TLN2: variants seen among roughly 807,000 people sequenced by gnomAD.
The protein encoded by TLN2 is talin-2.
TLN2 carries 118 observed loss-of-function variants against 294.7 expected under a neutral mutation model. The observed-to-expected ratio is 0.40, with a 90% CI of 0.34 to 0.47. The LOEUF is 0.47. TLN2 is among the 20% of genes least tolerant of loss of function. The probability of loss-of-function intolerance (pLI) is 0.84; values close to 1 mark genes in which losing one functional copy is unlikely to be tolerated. For missense variants in TLN2, 3,083 were observed against 3,282.2 expected, an observed-to-expected ratio of 0.94 and a Z score of 1.48; for synonymous variants, 1,431 against 1,304.5, an observed-to-expected ratio of 1.10 and a Z score of -2.09.
At chr15:62,778,048 TAAG>T (rs1339659298) in intron 43 of TLN2, among the ~76,000 whole-genome samples, 1 of 152,236 alleles carries the variant, frequency 6.6e-6, no homozygotes, top group Non-Finnish European at 1.5e-5. Flanking sequence ...TTCAGGATAA[TAAG>T]CAGTCTTTAA....
intron 9 of TLN2, among the ~76,000 whole-genome samples, chr15:62,661,667 G>A (rs534145833): frequency 6.6e-6 from 1 of 152,164 alleles, no homozygotes; most frequent in Non-Finnish European, 1.5e-5. Flanking sequence ...TTGAATGGAA[G>A]TTTTTTGTAA....
intron 21 of TLN2, among the ~76,000 whole-genome samples, chr15:62,710,720 CTTTTTTT>C (rs71287048): frequency 2.9e-4 from 22 of 77,076 alleles, no homozygotes; most frequent in Admixed American, 7.7e-4. Context: ...TGCTGATGTC[CTTTTTTT>C]TTTTTTTTTT....
chr15:62,489,119 C>T (rs576362619), intron 1 of TLN2, among the ~76,000 whole-genome samples: 1 of 152,218 alleles, frequency 6.6e-6, no homozygotes, highest in Admixed American at 6.5e-5. Flanking sequence ...TGAGATTGTG[C>T]CGCTGCACTC....
chr15:62,689,448 C>G (rs2057586051), intron 12 of TLN2, among the ~76,000 whole-genome samples: 1 of 152,180 alleles, frequency 6.6e-6, no homozygotes, highest in African/African-American at 2.4e-5. Context: ...GTCTATTACA[C>G]TTCCCTTTAT....
intron 1 of TLN2, among the ~76,000 whole-genome samples, chr15:62,409,147 G>A (rs1000044195): frequency 6.7e-6 from 1 of 148,328 alleles, no homozygotes; most frequent in Non-Finnish European, 1.5e-5. Flanking sequence ...TGACTGTTGG[G>A]GATTTTTTTT....
Position 62,712,089 on chromosome 15 carries a change from G to C in TLN2, c.2634+12G>C. 1 of 1,611,478 alleles carries C rather than the reference G, an allele frequency of 6.2e-7. No homozygotes were observed. The highest frequency in any genetic ancestry group is 8.5e-7 in the Non-Finnish European group (1 of 1,178,158). On this transcript the variant is annotated intron_variant, in intron 22 of 58. Transcript: ENST00000636159. Reference sequence around the variant, plus strand: ...TGGAAGCTGCAAAGGTATTCTACTGGATTTGTTTGTATGAAAAGTGAACAC... The same window carrying C: ...TGGAAGCTGCAAAGGTATTCTACTGCATTTGTTTGTATGAAAAGTGAACAC...
intron 25 of TLN2, 54 bp downstream of exon 25, chr15:62,719,934 G>T: frequency 7.2e-7 from 1 of 1,391,658 alleles, no homozygotes; most frequent in African/African-American, 1.4e-5. Flanking sequence ...CTGGGCAGGG[G>T]CTGCCCTTTA....
At position 62,782,778 on chromosome 15, in the gene TLN2, G is replaced by C. The variant is rs549037151; in HGVS notation, c.5617-993G>C. 3.9e-5 allele frequency among the ~76,000 whole-genome samples: 6 copies of C among 152,340 alleles called. No individual in the cohort carries two copies. In the East Asian group the frequency reaches 1.2e-3, roughly 29 times the overall value. ...TGCCTTAGAAAGGGTGGACATTCCT[G>C]TCCTGCCTTGATGGATGGAGAGTCA... is the stretch of plus-strand genomic sequence containing the variant. On this transcript the variant is annotated intron_variant, in intron 44 of 58. Transcript: ENST00000636159.
At chr15:62,647,953 C>T (rs916835501) in intron 4 of TLN2, among the ~76,000 whole-genome samples, 3 of 152,118 alleles carry the variant, frequency 2.0e-5, no homozygotes, top group African/African-American at 4.8e-5. Flanking sequence ...AATCACTCAT[C>T]CCCGTTAATC....
intron 1 of TLN2, among the ~76,000 whole-genome samples, chr15:62,475,352 C>T (rs2037730480): frequency 6.6e-6 from 1 of 152,110 alleles, no homozygotes; most frequent in Non-Finnish European, 1.5e-5. Context: ...TATCACGCTC[C>T]TCGTTTTATA....
intron 8 of TLN2, 142 bp downstream of exon 8, chr15:62,656,228 G>A (rs536082050): frequency 2.1e-5 from 22 of 1,057,070 alleles, no homozygotes; most frequent in African/African-American, 3.2e-5. Context: ...GTGGGTCCCC[G>A]CATGTGTTTG....
intron 1 of TLN2, among the ~76,000 whole-genome samples, chr15:62,501,676 T>A (rs1259953569): frequency 6.6e-6 from 1 of 152,238 alleles, no homozygotes; most frequent in Non-Finnish European, 1.5e-5. Context: ...CCATCCACAC[T>A]GATGTGACAG....
At chr15:62,717,539 A>G (rs917111514) in intron 23 of TLN2, 37 bp from the exon 24 acceptor site, 1 of 1,416,488 alleles carries the variant, frequency 7.1e-7, no homozygotes. Context: ...TGTATATTGC[A>G]TATGCAGATC....
intron 37 of TLN2, among the ~76,000 whole-genome samples, chr15:62,759,667 C>T (rs2062538962): frequency 6.6e-6 from 1 of 152,182 alleles, no homozygotes; most frequent in South Asian, 2.1e-4. Flanking sequence ...GCAGGAAGGG[C>T]GAGCAGCACC....
At chr15:62,465,279 C>T (rs190293997) in intron 1 of TLN2, among the ~76,000 whole-genome samples, 99 of 152,136 alleles carry the variant, frequency 6.5e-4, no homozygotes, top group African/African-American at 2.1e-3. Context: ...GTTGGCCTAG[C>T]CCCCCTATCC....
intron 1 of TLN2, among the ~76,000 whole-genome samples, chr15:62,492,817 C>G (rs1011453668): frequency 6.6e-6 from 1 of 152,136 alleles, no homozygotes; most frequent in Admixed American, 6.5e-5. Flanking sequence ...TCTACCATAA[C>G]AGATTCCACA....
intron 3 of TLN2, among the ~76,000 whole-genome samples, chr15:62,630,050 C>A (rs1187494962): frequency 7.2e-5 from 11 of 152,016 alleles, no homozygotes; most frequent in Admixed American, 7.2e-4. Flanking sequence ...TCAGTTGTGT[C>A]GTGTATATAA....
Position 62,672,107 on chromosome 15 carries a change from T to C in TLN2, c.789-1720T>C, listed in dbSNP as rs568045710. Among the ~76,000 whole-genome samples, 67 of 152,214 alleles carry C rather than the reference T, an allele frequency of 4.4e-4. 1 individual carries two copies. The highest frequency in any genetic ancestry group is 7.9e-4 in the Non-Finnish European group (54 of 68,030). On this transcript the variant is annotated intron_variant, in intron 9 of 58. Coordinates refer to ENST00000636159, the MANE Select transcript of TLN2 (RefSeq NM_015059.3). ...CGATCAAGTTGTTATTTTTTTGTCT[T>C]ATAGCCGTTGAAATGTGCTTTGATC...
intron 9 of TLN2, among the ~76,000 whole-genome samples, chr15:62,669,183 T>A (rs1288994023): frequency 2.0e-5 from 3 of 152,240 alleles, no homozygotes; most frequent in Admixed American, 6.5e-5. Flanking sequence ...TGTCATTTGA[T>A]ACATTTTACA....
Sources: gnomAD v4.1 joint callset for allele counts (sites outside exome capture counted in the v4.1 genomes callset) on GRCh38, gnomAD v4.1.1 for gene constraint, MANE v1.5 for transcripts, NCBI Gene and HGNC (gene_info 2026-07-23, HGNC 2026-07-21) for gene names.